Variants in NCF2 observed in about 807,000 individuals in gnomAD.
NCF2 encodes the protein neutrophil cytosolic factor 2, also known as neutrophil cytosol factor 2.
A neutral mutation model predicts 70.9 loss-of-function variants in NCF2; 45 were observed. The ratio of observed to expected loss-of-function variants is 0.63; its 90% CI spans 0.50 to 0.81. The LOEUF is 0.81. Ranked by LOEUF, NCF2 falls within the 40% of genes least tolerant of loss-of-function variation. The probability of loss-of-function intolerance (pLI) is 0.00; values close to 1 mark genes in which losing one functional copy is unlikely to be tolerated. For synonymous variants in NCF2, 203 were observed against 233.6 expected, an observed-to-expected ratio of 0.87 and a Z score of 1.19; for missense variants, 522 against 631.6, an observed-to-expected ratio of 0.83 and a Z score of 1.86.
intron 6 of NCF2, 54 bp downstream of exon 6, chr1:183,570,726 T>C: frequency 3.2e-6 from 5 of 1,573,174 alleles, no homozygotes; most frequent in Non-Finnish European, 2.6e-6. Context: ...AATTGAATGC[T>C]TCACAGAAAG....
intron 5 of NCF2, among the ~76,000 whole-genome samples, chr1:183,572,838 A>G (rs1352086597): frequency 2.6e-5 from 4 of 152,084 alleles, no homozygotes; most frequent in African/African-American, 9.7e-5. Flanking sequence ...CACTGGGATT[A>G]CAGGCATGAG....
intron 2 of NCF2, among the ~76,000 whole-genome samples, chr1:183,579,738 CAAAAAAAAAAAAAAA>C (rs397982209): frequency 5.1e-5 from 2 of 38,860 alleles, no homozygotes; most frequent in Non-Finnish European, 1.1e-4. Context: ...GACTCTGTCT[CAAAAAAAAAAAAAAA>C]AAAAAAAAAA....
At chr1:183,594,862 C>T (rs995667305), upstream of NCF2, among the ~76,000 whole-genome samples, 1 of 152,044 alleles carries the variant, frequency 6.6e-6, no homozygotes, top group Non-Finnish European at 1.5e-5. Flanking sequence ...TCAGGAAATA[C>T]TTTTTCATTC....
In NCF2 at chr1:183,567,297, C is replaced by T. The variant is rs1672350196; in HGVS notation, c.762G>A (p.Glu254=). 1 of 1,614,082 alleles carries T rather than the reference C, an allele frequency of 6.2e-7. No individual in the cohort carries two copies. Among genetic ancestry groups the T allele is most frequent in the Admixed American group, 1.7e-5 (1 of 60,008 alleles). ...AHRVLFGFVP[E]TKEELQVMPG... ...GCATGACCTGGAGCTCTTCTTTTGTCTCAGGCACAAACCCAAATAGCACAC... is the reference window on the plus strand; with the variant it reads ...GCATGACCTGGAGCTCTTCTTTTGTTTCAGGCACAAACCCAAATAGCACAC... The change falls in exon 8 of 15, where the codon GAG becomes GAA. Residue 254 remains glutamate, a synonymous_variant. Transcript: ENST00000367535.
At chr1:183,577,865 A>T (rs542797677) in intron 2 of NCF2, among the ~76,000 whole-genome samples, 158 bp from the exon 3 acceptor site, 2 of 152,274 alleles carry the variant, frequency 1.3e-5, no homozygotes, top group South Asian at 4.1e-4. Flanking sequence ...CCCTGAGTCC[A>T]AGTATTCTAT....
intron 2 of NCF2, among the ~76,000 whole-genome samples, chr1:183,586,121 G>A (rs1265245384): frequency 6.6e-6 from 1 of 152,222 alleles, no homozygotes; most frequent in East Asian, 1.9e-4. Flanking sequence ...GATCACCTGA[G>A]GTCGGGAGTT....
At chr1:183,587,595 C>CAAAAAAAAAA (rs11287969) in intron 1 of NCF2, among the ~76,000 whole-genome samples, 4 of 41,890 alleles carry the variant, frequency 9.5e-5, no homozygotes, top group Non-Finnish European at 1.8e-4. Context: ...CACCCTGTCT[C>CAAAAAAAAAA]AAAAAAAAAA....
intron 14 of NCF2, among the ~76,000 whole-genome samples, 197 bp from the exon 15 acceptor site, chr1:183,556,427 A>G (rs1488823593): frequency 6.6e-6 from 1 of 152,208 alleles, no homozygotes; most frequent in Non-Finnish European, 1.5e-5. Context: ...CTTAAACATG[A>G]TAATGAGCAA....
chr1:183,581,323 G>A lies in NCF2; in HGVS notation c.258-3616C>T, dbSNP rs1025242730. On this transcript the variant is annotated intron_variant, in intron 2 of 14. Coordinates refer to ENST00000367535, the MANE Select transcript of NCF2 (RefSeq NM_000433.4). ...GAAAGAAAGAAAGAAAGAAAAGAAA[G>A]TCCAACAACCAAAAAAACAGGGTGG... Among the ~76,000 whole-genome samples, 116 of 141,880 alleles carry A rather than the reference G, an allele frequency of 8.2e-4. 1 individual carries two copies. In the Middle Eastern group the frequency reaches 0.014, roughly 18 times the overall value. The allele number at this position is 141,880 out of a possible 152,430, so 93.1% of individuals were successfully genotyped here.
chr1:183,555,608 A>T lies in NCF2; in HGVS notation c.*510T>A, dbSNP rs886045646. 6.2e-6 allele frequency: 1 copy of T among 162,248 alleles called. No homozygotes were observed. Among genetic ancestry groups the T allele is most frequent in the Non-Finnish European group, 1.4e-5 (1 of 73,378 alleles). 10.1% of individuals were successfully genotyped at this position (162,248 alleles called of 1,614,324 possible). ...TTTATTTGTATATGCCTTATGAGTA[A>T]CCTATAAGGTTACTTCAAGCCTTAA... On this transcript the variant is annotated 3_prime_UTR_variant, in exon 15 of 15. Coordinates refer to ENST00000367535, the MANE Select transcript of NCF2 (RefSeq NM_000433.4).
chr1:183,567,282 G>A lies in NCF2; in HGVS notation c.777C>T (p.Leu259=), dbSNP rs771349846. ...FGFVPETKEE[L]QVMPGNIVFV... ...AGACAATGTTCCCTGGCATGACCTGGAGCTCTTCTTTTGTCTCAGGCACAA... is the reference window on the plus strand; with the variant it reads ...AGACAATGTTCCCTGGCATGACCTGAAGCTCTTCTTTTGTCTCAGGCACAA... The change falls in exon 8 of 15, where the codon CTC becomes CTT. Residue 259 remains leucine, a synonymous_variant. Coordinates refer to ENST00000367535, the MANE Select transcript of NCF2 (RefSeq NM_000433.4). 6 of 1,614,116 alleles carry A rather than the reference G, an allele frequency of 3.7e-6. No individual in the cohort carries two copies. The highest frequency in any genetic ancestry group is 5.1e-6 in the Non-Finnish European group (6 of 1,180,036).
At chr1:183,585,383 T>C (rs1673295921) in intron 2 of NCF2, among the ~76,000 whole-genome samples, 1 of 152,152 alleles carries the variant, frequency 6.6e-6, no homozygotes, top group Non-Finnish European at 1.5e-5. Context: ...CCCAGTACTT[T>C]GGGAGGCCGA....
intron 1 of NCF2, among the ~76,000 whole-genome samples, chr1:183,587,830 T>C (rs1673432386): frequency 6.6e-6 from 1 of 152,138 alleles, no homozygotes; most frequent in Non-Finnish European, 1.5e-5. Flanking sequence ...ATAGATAATT[T>C]AGACATTTAC....
intron 9 of NCF2, among the ~76,000 whole-genome samples, chr1:183,566,695 G>A (rs756524438): frequency 2.3e-4 from 35 of 152,212 alleles, no homozygotes; most frequent in Non-Finnish European, 3.7e-4. Context: ...AGGTGGGTGG[G>A]CCCAATGGGA....
At chr1:183,561,492 ATAG>A (rs1672047047) in intron 13 of NCF2, among the ~76,000 whole-genome samples, 1 of 152,214 alleles carries the variant, frequency 6.6e-6, no homozygotes, top group Non-Finnish European at 1.5e-5. Flanking sequence ...ACATACAATA[ATAG>A]TAGTTGACAT....
the NCF2 span, among the ~76,000 whole-genome samples, chr1:183,599,441 T>TCTTTCTTTCTTTCTTTCTTTC: frequency 3.0e-5 from 3 of 98,868 alleles, no homozygotes; most frequent in Non-Finnish European, 4.4e-5. Context: ...TTTCTTTCTT[T>TCTTTCTTTCTTTCTTTCTTTC]CTTTCTTTCT....
At chr1:183,585,624 CAA>C (rs750881920) in intron 2 of NCF2, among the ~76,000 whole-genome samples, 4 of 114,586 alleles carry the variant, frequency 3.5e-5, no homozygotes, top group African/African-American at 1.4e-4. Flanking sequence ...AACTCCGTCT[CAA>C]AAAAAAAAAA....
upstream of NCF2, among the ~76,000 whole-genome samples, chr1:183,593,216 C>G (rs1673719113): frequency 6.6e-6 from 1 of 152,162 alleles, no homozygotes; most frequent in Non-Finnish European, 1.5e-5. Context: ...CAAAGCCATT[C>G]ATGCTCCATT....
chr1:183,565,683 T>C, intron 10 of NCF2, 21 bp downstream of exon 10: 1 of 1,610,340 alleles, frequency 6.2e-7, no homozygotes, highest in Non-Finnish European at 8.5e-7. Context: ...AGACCTAGGC[T>C]GTGGCTCCAG....
Sources: gnomAD v4.1 joint callset for allele counts (sites outside exome capture counted in the v4.1 genomes callset) on GRCh38, gnomAD v4.1.1 for gene constraint, MANE v1.5 for transcripts, NCBI Gene and HGNC (gene_info 2026-07-23, HGNC 2026-07-21) for gene names.